CTNNA3: variants seen among roughly 807,000 people sequenced by gnomAD.
The protein encoded by CTNNA3 is catenin alpha-3.
CTNNA3 carries 76 observed loss-of-function variants against 95.7 expected under a neutral mutation model. The ratio of observed to expected loss-of-function variants is 0.79; its 90% CI spans 0.66 to 0.96. CTNNA3 has a LOEUF of 0.96. Among genes scored for constraint, CTNNA3 ranks in the 40% least tolerant of loss-of-function variants. CTNNA3 has a pLI of 0.00. For synonymous variants in CTNNA3, 431 were observed against 374.4 expected (o/e 1.15, Z -1.74); for missense variants, 1,191 against 1,089.8 (o/e 1.09, Z -1.31).
At chr10:66,724,239 C>G (rs1327005579) in intron 9 of CTNNA3, among the ~76,000 whole-genome samples, 1 of 152,202 alleles carries the variant, frequency 6.6e-6, no homozygotes, top group Admixed American at 6.5e-5. Flanking sequence ...CTTACAAACC[C>G]TATTCATGCT....
intron 7 of CTNNA3, among the ~76,000 whole-genome samples, chr10:67,062,530 TGTGTCTGC>T (rs1486718454): frequency 7.2e-5 from 11 of 152,170 alleles, no homozygotes; most frequent in African/African-American, 2.4e-4. Context: ...TGTGTGTCTG[TGTGTCTGC>T]GTGTAGATAT....
intron 11 of CTNNA3, among the ~76,000 whole-genome samples, chr10:66,402,282 T>C (rs1169409018): frequency 1.3e-5 from 2 of 152,046 alleles, no homozygotes; most frequent in African/African-American, 4.8e-5. Flanking sequence ...ATGCATAGAG[T>C]TTATTAATCC....
At chr10:67,352,735 C>T (rs16924413) in intron 5 of CTNNA3, among the ~76,000 whole-genome samples, 6,229 of 151,992 alleles carry the variant, frequency 0.041, 182 homozygotes, top group South Asian at 0.1. Context: ...GTAAGCATTC[C>T]GAAATAATGG....
chr10:66,739,483 A>T (rs1210655777), intron 9 of CTNNA3, among the ~76,000 whole-genome samples: 2 of 152,226 alleles, frequency 1.3e-5, no homozygotes, highest in Non-Finnish European at 2.9e-5. Context: ...TCCCACGAGC[A>T]TGTAAGGAAA....
intron 12 of CTNNA3, among the ~76,000 whole-genome samples, chr10:66,317,659 C>A (rs2092120525): frequency 6.6e-6 from 1 of 150,798 alleles, no homozygotes; most frequent in African/African-American, 2.4e-5. Context: ...GGTGACAGTG[C>A]AAGACTCTGT....
At chr10:67,712,324 C>T (rs1488035215) in intron 1 of CTNNA3, among the ~76,000 whole-genome samples, 4 of 152,216 alleles carry the variant, frequency 2.6e-5, no homozygotes. Context: ...AAGCTGGCTG[C>T]AGAAATTTGC....
chr10:67,614,334 A>C (rs376149246), intron 2 of CTNNA3, among the ~76,000 whole-genome samples: 2 of 152,206 alleles, frequency 1.3e-5, no homozygotes, highest in South Asian at 2.1e-4. Context: ...CAAGTGGATT[A>C]CATTTATTGT....
chr10:66,849,772 C>G (rs1843417974), intron 7 of CTNNA3, among the ~76,000 whole-genome samples: 1 of 152,100 alleles, frequency 6.6e-6, no homozygotes, highest in South Asian at 2.1e-4. Context: ...AGACTTCCGG[C>G]CTCCAAACTC....
intron 12 of CTNNA3, among the ~76,000 whole-genome samples, chr10:66,318,302 GTGTGTA>G (rs1200823441): frequency 6.6e-6 from 1 of 151,616 alleles, no homozygotes; most frequent in Middle Eastern, 3.2e-3. Context: ...GTGTGTGTGT[GTGTGTA>G]TGTGTGCACG....
chr10:66,626,080 T>C (rs1055781927), intron 9 of CTNNA3, among the ~76,000 whole-genome samples: 1 of 152,198 alleles, frequency 6.6e-6, no homozygotes, highest in Non-Finnish European at 1.5e-5. Context: ...TATTCTATTT[T>C]AAATAAATTG....
chr10:66,711,609 C>T (rs1398490728), intron 9 of CTNNA3, among the ~76,000 whole-genome samples: 3 of 151,938 alleles, frequency 2.0e-5, no homozygotes, highest in Admixed American at 1.3e-4. Flanking sequence ...AGTGCAATGG[C>T]GTGATCTTGG....
intron 11 of CTNNA3, among the ~76,000 whole-genome samples, chr10:66,392,448 A>T (rs1213713926): frequency 2.0e-5 from 3 of 152,060 alleles, no homozygotes; most frequent in Non-Finnish European, 4.4e-5. Flanking sequence ...AAACAAAAAA[A>T]AGAATAAAAA....
At chr10:66,331,906 T>C (rs2092335253) in intron 12 of CTNNA3, among the ~76,000 whole-genome samples, 1 of 152,084 alleles carries the variant, frequency 6.6e-6, no homozygotes, top group African/African-American at 2.4e-5. Flanking sequence ...ATGGCCATTT[T>C]CACGATATTG....
intron 3 of CTNNA3, among the ~76,000 whole-genome samples, chr10:67,605,004 A>T (rs1389862698): frequency 6.6e-6 from 1 of 152,236 alleles, no homozygotes; most frequent in Non-Finnish European, 1.5e-5. Context: ...TAGAAATAGA[A>T]CTACCATTAA....
At chr10:67,727,098 T>C (rs1331223334) in intron 1 of CTNNA3, among the ~76,000 whole-genome samples, 1 of 119,920 alleles carries the variant, frequency 8.3e-6, no homozygotes, top group Non-Finnish European at 1.6e-5. Context: ...TAATTATATA[T>C]AATATATGAT....
chr10:65,969,066 C>T (rs796699940), intron 16 of CTNNA3, among the ~76,000 whole-genome samples: 6 of 152,240 alleles, frequency 3.9e-5, no homozygotes, highest in African/African-American at 9.6e-5. Flanking sequence ...ATACACCCAT[C>T]GGTATTGGTC....
intron 5 of CTNNA3, among the ~76,000 whole-genome samples, chr10:67,425,261 A>G (rs923151724): frequency 2.0e-5 from 3 of 152,082 alleles, no homozygotes; most frequent in Admixed American, 2.0e-4. Flanking sequence ...GACATACCCA[A>G]ATGGATGAGA....
intron 7 of CTNNA3, chr10:66,928,067 T>C (rs1589436662): frequency 6.2e-7 from 1 of 1,613,844 alleles, no homozygotes; most frequent in Non-Finnish European, 8.5e-7. Context: ...AAGCCCAAGC[T>C]CCCCAGGCCG....
chr10:66,510,620 T>C (rs1225999409), intron 11 of CTNNA3, among the ~76,000 whole-genome samples: 1 of 151,852 alleles, frequency 6.6e-6, no homozygotes, highest in Non-Finnish European at 1.5e-5. Context: ...TGATGAATTT[T>C]ATTAAAAGAT....
Sources: allele counts gnomAD v4.1 joint callset (sites outside exome capture counted in the v4.1 genomes callset), GRCh38; gene constraint gnomAD v4.1.1; transcripts MANE v1.5; gene names NCBI Gene and HGNC (gene_info 2026-07-23, HGNC 2026-07-21).